MFSD1: variants seen among roughly 807,000 people sequenced by gnomAD.
MFSD1 encodes major facilitator superfamily domain containing 1, also known as lysosomal dipeptide transporter MFSD1.
Under a neutral mutation model 67.1 loss-of-function variants are expected in MFSD1, and 59 were observed. The observed-to-expected ratio is 0.88, with a 90% CI of 0.71 to 1.09. MFSD1 has a LOEUF of 1.09. Ranked by LOEUF, MFSD1 falls within the 50% of genes least tolerant of loss-of-function variation. The pLI, the probability that MFSD1 is intolerant of heterozygous loss-of-function variation, is 0.00. For missense variants in MFSD1, 552 were observed against 566.1 expected (o/e 0.97, Z 0.25); for synonymous variants, 213 against 200.3 (o/e 1.06, Z -0.54).
intron 5 of MFSD1, among the ~76,000 whole-genome samples, chr3:158,807,919 C>A (rs1729808593): frequency 6.6e-6 from 1 of 152,186 alleles, no homozygotes; most frequent in South Asian, 2.1e-4. Flanking sequence ...TTCTTATAGA[C>A]CAGTTGTTCT....
intron 1 of MFSD1, among the ~76,000 whole-genome samples, chr3:158,803,992 TAAATA>T (rs1193234733): frequency 1.3e-5 from 2 of 152,160 alleles, no homozygotes; most frequent in Non-Finnish European, 2.9e-5. Context: ...AATAAGGAAA[TAAATA>T]AAATATAGAT....
At chr3:158,823,633 C>T (rs1029651981) in intron 12 of MFSD1, 108 bp downstream of exon 12, 2 of 856,656 alleles carry the variant, frequency 2.3e-6, no homozygotes, top group African/African-American at 1.7e-5. Flanking sequence ...TCTGGGGTAG[C>T]GCTGAACCTG....
At chr3:158,805,850 A>C (rs1729696186) in intron 3 of MFSD1, among the ~76,000 whole-genome samples, 1 of 151,976 alleles carries the variant, frequency 6.6e-6, no homozygotes, top group African/African-American at 2.4e-5. Flanking sequence ...GATGATTCCT[A>C]CCTTGCAAGG....
intron 11 of MFSD1, 199 bp from the exon 12 acceptor site, chr3:158,823,229 G>A (rs1730766069): frequency 1.8e-6 from 1 of 562,680 alleles, no homozygotes; most frequent in Non-Finnish European, 3.2e-6. Flanking sequence ...AAGACAGCAT[G>A]TATCTTGTCG....
intron 1 of MFSD1, among the ~76,000 whole-genome samples, chr3:158,803,130 C>T (rs1729543452): frequency 6.6e-6 from 1 of 152,142 alleles, no homozygotes; most frequent in Admixed American, 6.5e-5. Context: ...TCTCCGAAAA[C>T]AGTTTCTTGA....
At chr3:158,803,693 A>C (rs779066974) in intron 1 of MFSD1, among the ~76,000 whole-genome samples, 2 of 152,192 alleles carry the variant, frequency 1.3e-5, no homozygotes, top group Non-Finnish European at 2.9e-5. Context: ...CAATTATTTT[A>C]TCTTTAAAAT....
intron 6 of MFSD1, among the ~76,000 whole-genome samples, chr3:158,811,852 T>G (rs1730040497): frequency 1.3e-5 from 2 of 152,248 alleles, no homozygotes. Context: ...AGAGACCTAC[T>G]GGAAGCTTTC....
Position 158,807,469 on chromosome 3 carries a change from T to A in MFSD1, c.440+6T>A, listed in dbSNP as rs1451094767. ...TTTGGAAGATTTGTATTTGGGTAAG[T>A]TATGCATAATTTAATTTATCCTAAT... On this transcript the variant is annotated splice_donor_region_variant and intron_variant, in intron 5 of 15. Transcript: ENST00000415822. 6.3e-7 allele frequency: 1 copy of A among 1,596,500 alleles called. No homozygotes were observed. Among genetic ancestry groups the A allele is most frequent in the Admixed American group, 1.7e-5 (1 of 59,896 alleles).
intron 6 of MFSD1, 113 bp from the exon 7 acceptor site, chr3:158,813,852 C>A (rs571750126): frequency 3.2e-5 from 14 of 431,156 alleles, no homozygotes; most frequent in Admixed American, 4.5e-5. Flanking sequence ...AAGGAAATTA[C>A]CTCCTGTTCA....
Position 158,802,220 on chromosome 3 carries a change from C to T in MFSD1, c.68C>T (p.Ala23Val), listed in dbSNP as rs1481823508. The T allele has an allele frequency of 1.3e-5, 21 of 1,610,298 alleles. No homozygotes were observed. The highest frequency in any genetic ancestry group is 1.4e-5 in the Non-Finnish European group (17 of 1,178,874). Residue 23 changes from alanine to valine, a missense_variant, in exon 1 of 16, where the codon GCC (alanine) becomes GTC (valine). By Grantham distance (64) the Ala-to-Val change is moderately conservative. Transcript: ENST00000415822. ...AGGPDEADRG[A>V]PAAPGALPAL... ...GGCCCTGACGAGGCCGACAGAGGTG[C>T]CCCGGCCGCCCCTGGAGCCCTGCCG...
At chr3:158,808,662 C>A (rs1576899386) in intron 5 of MFSD1, among the ~76,000 whole-genome samples, 1 of 152,104 alleles carries the variant, frequency 6.6e-6, no homozygotes, top group East Asian at 1.9e-4. Context: ...CGGTATAAAA[C>A]TACCATTTCA....
intron 6 of MFSD1, 78 bp downstream of exon 6, chr3:158,809,365 A>G (rs981005184): frequency 8.5e-6 from 8 of 939,588 alleles, no homozygotes; most frequent in African/African-American, 1.7e-5. Context: ...AAATCACAGG[A>G]TGAAATGTAT....
intron 7 of MFSD1, among the ~76,000 whole-genome samples, chr3:158,817,342 A>G (rs1730420160): frequency 1.3e-5 from 2 of 152,174 alleles, no homozygotes; most frequent in Admixed American, 6.5e-5. Flanking sequence ...TTGTATATCT[A>G]GAAAACCCCA....
Position 158,820,217 on chromosome 3 carries a change from G to A in MFSD1, c.754G>A (p.Glu252Lys). The change falls in exon 9 of 16, where the codon GAA becomes AAA. Residue 252 changes from glutamate (E) to lysine (K), a missense_variant and splice_region_variant. Physicochemically the swap from Glu to Lys is moderately conservative, Grantham distance 56. Transcript: ENST00000415822. Reference sequence around the variant, plus strand: ...GTGTCTTCCCTTTCTTCTCTAAGGTGAAGTTATTAAATTAACTGATGTAAA... The same window carrying A: ...GTGTCTTCCCTTTCTTCTCTAAGGTAAAGTTATTAAATTAACTGATGTAAA... ...ILHKEQGKTG[E>K]VIKLTDVKDF... 1.3e-6 allele frequency: 2 copies of A among 1,554,724 alleles called. No individual in the cohort carries two copies. The highest frequency in any genetic ancestry group is 1.8e-6 in the Non-Finnish European group (2 of 1,126,502).
intron 6 of MFSD1, among the ~76,000 whole-genome samples, chr3:158,810,516 C>G (rs1191715362): frequency 1.3e-5 from 2 of 152,110 alleles, no homozygotes; most frequent in East Asian, 1.9e-4. Context: ...CATGTAAGTT[C>G]TTTCTGATTT....
At chr3:158,824,293 A>G (rs947146504) in intron 13 of MFSD1, 57 bp downstream of exon 13, 3 of 1,244,240 alleles carry the variant, frequency 2.4e-6, no homozygotes, top group Non-Finnish European at 2.3e-6. Context: ...GAATGTTCTT[A>G]TTTTTACTTA....
At chr3:158,816,870 G>T (rs1730380775) in intron 7 of MFSD1, among the ~76,000 whole-genome samples, 1 of 148,634 alleles carries the variant, frequency 6.7e-6, no homozygotes, top group South Asian at 2.2e-4. Flanking sequence ...TCTACATATG[G>T]CTAGCCAGTT....
At chr3:158,808,434 A>T (rs6441226) in intron 5 of MFSD1, among the ~76,000 whole-genome samples, 34 of 152,234 alleles carry the variant, frequency 2.2e-4, no homozygotes, top group South Asian at 1.0e-3. Context: ...AGGAAGTAGG[A>T]GAGTGTTGAA....
chr3:158,828,591 T>C (rs1166689077), intron 15 of MFSD1, among the ~76,000 whole-genome samples: 1 of 152,102 alleles, frequency 6.6e-6, no homozygotes, highest in East Asian at 1.9e-4. Context: ...TTTAATGTCA[T>C]AGATGCTTAA....
Sources: gnomAD v4.1 joint callset for allele counts (sites outside exome capture counted in the v4.1 genomes callset) on GRCh38, gnomAD v4.1.1 for gene constraint, MANE v1.5 for transcripts, NCBI Gene and HGNC (gene_info 2026-07-23, HGNC 2026-07-21) for gene names.